The following PEPD variants were observed in gnomAD, a reference collection of about 807,000 sequenced individuals.
PEPD encodes the protein peptidase D, also known as xaa-Pro dipeptidase.
A neutral mutation model predicts 60.7 loss-of-function variants in PEPD; 53 were observed. That is an observed-to-expected ratio of 0.87 (90% CI 0.70 to 1.10). PEPD has a LOEUF of 1.10. Ranked by LOEUF, PEPD falls within the 50% of genes least tolerant of loss-of-function variation. The pLI is 0.00. For synonymous variants in PEPD, 267 were observed against 284.1 expected, an observed-to-expected ratio of 0.94 and a Z score of 0.60; for missense variants, 711 against 711.9, an observed-to-expected ratio of 1.00 and a Z score of 0.01.
At position 33,387,133 on chromosome 19, in the gene PEPD, A is replaced by G. The variant is rs3556; in HGVS notation, c.*211T>C. On this transcript the variant is annotated 3_prime_UTR_variant, in exon 15 of 15. Transcript: ENST00000244137. ...GTCGCTCATTTAATAAGCAAGGTAT[A>G]AAACAGATTAAAGGTGGGAGCCTGC... 0.26 allele frequency: 154,034 copies of G among 600,984 alleles called. 21,552 individuals carry two copies. Among genetic ancestry groups the G allele is most frequent in the African/African-American group, 0.47 (25,228 of 53,910 alleles). 37.2% of individuals were successfully genotyped at this position (600,984 alleles called of 1,614,324 possible).
chr19:33,427,609 T>C (rs929641057), intron 9 of PEPD, among the ~76,000 whole-genome samples: 1 of 152,200 alleles, frequency 6.6e-6, no homozygotes, highest in Non-Finnish European at 1.5e-5. Context: ...TATTTATCAA[T>C]AGCTAATTAA....
chr19:33,454,302 C>G (rs927232393), intron 9 of PEPD, among the ~76,000 whole-genome samples: 1 of 152,132 alleles, frequency 6.6e-6, no homozygotes, highest in Non-Finnish European at 1.5e-5. Context: ...TGGGTCTATA[C>G]AAGTTTTTTA....
At position 33,506,641 on chromosome 19, in the gene PEPD, A is replaced by T. The variant is rs539132642; in HGVS notation, c.329+4387T>A. Among the ~76,000 whole-genome samples the T allele has an allele frequency of 4.9e-4, 69 of 140,918 alleles. 1 individual carries two copies. Among genetic ancestry groups the T allele is most frequent in the Non-Finnish European group, 7.2e-4 (47 of 64,864 alleles). The allele number at this position is 140,918 out of a possible 152,430, so 92.4% of individuals were successfully genotyped here. ...CATGCCCACTCACAACACAGCACAC[A>T]CATGCCCACACACACTCCCTCACAT... On this transcript the variant is annotated intron_variant, in intron 3 of 14. Coordinates refer to ENST00000244137, the MANE Select transcript of PEPD (RefSeq NM_000285.4).
intron 13 of PEPD, among the ~76,000 whole-genome samples, chr19:33,390,063 A>T (rs1296586540): frequency 6.6e-6 from 1 of 152,256 alleles, no homozygotes; most frequent in Non-Finnish European, 1.5e-5. Context: ...CTCAACTTTT[A>T]TTGGGCTCCA....
chr19:33,420,225 C>T (rs1303759882), intron 9 of PEPD, among the ~76,000 whole-genome samples: 1 of 151,958 alleles, frequency 6.6e-6, no homozygotes, highest in Admixed American at 6.6e-5. Flanking sequence ...GCTCATCAGA[C>T]TGTAATATAC....
chr19:33,478,888 G>T lies in PEPD; in HGVS notation c.504-798C>A, dbSNP rs182220848. On this transcript the variant is annotated intron_variant, in intron 6 of 14. Transcript: ENST00000244137. ...CTGAATCCACGTGAAGAGAAAGAGA[G>T]CACTGGCAATGGTAACCATACAGAT... Among the ~76,000 whole-genome samples, 297 of 152,304 alleles carry T rather than the reference G, an allele frequency of 2.0e-3. 1 individual carries two copies. The highest frequency in any genetic ancestry group is 1.6e-3 in the Non-Finnish European group (108 of 68,024).
At chr19:33,421,178 G>T (rs1458049962) in intron 9 of PEPD, among the ~76,000 whole-genome samples, 3 of 152,188 alleles carry the variant, frequency 2.0e-5, no homozygotes, top group Non-Finnish European at 4.4e-5. Context: ...GTCTTTTGGG[G>T]CCCATGCATG....
chr19:33,443,983 C>T (rs1481399472), intron 9 of PEPD, among the ~76,000 whole-genome samples: 1 of 150,442 alleles, frequency 6.6e-6, no homozygotes, highest in Admixed American at 6.6e-5. Context: ...TGCGCGCGCA[C>T]ACACACACAC....
intron 9 of PEPD, among the ~76,000 whole-genome samples, chr19:33,445,105 A>G (rs151047842): frequency 3.7e-4 from 57 of 152,240 alleles, no homozygotes; most frequent in Middle Eastern, 6.8e-3. Flanking sequence ...AGCCTCCTCA[A>G]TGGTCCCATA....
intron 11 of PEPD, among the ~76,000 whole-genome samples, chr19:33,405,490 C>T (rs963837865): frequency 6.6e-6 from 1 of 152,252 alleles, no homozygotes; most frequent in African/African-American, 2.4e-5. Flanking sequence ...GTCAGTGTCC[C>T]AGGCCAGGCT....
chr19:33,490,120 C>T, intron 5 of PEPD, 63 bp from the exon 6 acceptor site: 1 of 1,135,796 alleles, frequency 8.8e-7, no homozygotes, highest in South Asian at 1.3e-5. Flanking sequence ...GCCTGCACCC[C>T]TGAGGCCTCC....
chr19:33,480,210 T>C (rs149384594), intron 6 of PEPD, among the ~76,000 whole-genome samples: 1,856 of 152,284 alleles, frequency 0.012, 19 homozygotes, highest in Non-Finnish European at 0.019. Context: ...TGAGAAACGA[T>C]ATGCTACACA....
chr19:33,419,447 T>C (rs548236966), intron 9 of PEPD, among the ~76,000 whole-genome samples: 8 of 152,332 alleles, frequency 5.3e-5, no homozygotes, highest in African/African-American at 1.4e-4. Context: ...CTTTGGGGGC[T>C]GAGGGATCTT....
At chr19:33,446,999 C>T (rs532713646) in intron 9 of PEPD, among the ~76,000 whole-genome samples, 2 of 152,262 alleles carry the variant, frequency 1.3e-5, no homozygotes, top group Non-Finnish European at 2.9e-5. Context: ...GGGGACTAGA[C>T]CGCCAGGGCC....
At chr19:33,515,851 C>G (rs1303703771) in intron 1 of PEPD, among the ~76,000 whole-genome samples, 1 of 152,156 alleles carries the variant, frequency 6.6e-6, no homozygotes, top group African/African-American at 2.4e-5. Context: ...ACCATGCCCC[C>G]ACCTGTAATG....
intron 4 of PEPD, among the ~76,000 whole-genome samples, chr19:33,496,782 G>A (rs529301991): frequency 7.9e-5 from 12 of 152,340 alleles, no homozygotes; most frequent in African/African-American, 2.4e-4. Flanking sequence ...GGATGGTCAC[G>A]GGCAGAATTC....
chr19:33,402,501 G>GCC (rs1244297924), intron 11 of PEPD, among the ~76,000 whole-genome samples: 2 of 152,210 alleles, frequency 1.3e-5, no homozygotes, highest in African/African-American at 4.8e-5. Context: ...CAGCTCTGGG[G>GCC]CCCCCTAGCT....
At chr19:33,453,550 TAA>T in intron 9 of PEPD, among the ~76,000 whole-genome samples, 1 of 152,228 alleles carries the variant, frequency 6.6e-6, no homozygotes, top group South Asian at 2.1e-4. Context: ...TTTTTAGCAA[TAA>T]AGTCTTTTTA....
At position 33,500,927 on chromosome 19, in the gene PEPD, C is replaced by T. The variant is rs781758991; in HGVS notation, c.393+11G>A. On this transcript the variant is annotated intron_variant, in intron 4 of 14. Transcript: ENST00000244137. ...GCCCTGGGCTGCTCAGAGGAGGAGCCGGCTACCCACCTCATCTACGTACTG... is the reference window on the plus strand; with the variant it reads ...GCCCTGGGCTGCTCAGAGGAGGAGCTGGCTACCCACCTCATCTACGTACTG... 2.9e-5 allele frequency: 45 copies of T among 1,550,032 alleles called. No homozygotes were observed. The African/African-American group carries it at 3.0e-4, about 10-fold the overall frequency.
Sources: allele counts gnomAD v4.1 joint callset (sites outside exome capture counted in the v4.1 genomes callset), GRCh38; gene constraint gnomAD v4.1.1; transcripts MANE v1.5; gene names NCBI Gene and HGNC (gene_info 2026-07-23, HGNC 2026-07-21).